Variants in SLC2A13 observed in about 807,000 individuals in gnomAD.
SLC2A13 encodes the protein proton myo-inositol cotransporter.
In SLC2A13, 32 loss-of-function variants were observed where a neutral mutation model predicts 64.4. The ratio of observed to expected loss-of-function variants is 0.50; its 90% confidence interval spans 0.37 to 0.67. SLC2A13 has a LOEUF of 0.67. Ranked by LOEUF, SLC2A13 falls within the 30% of genes least tolerant of loss-of-function variation. SLC2A13 has a pLI of 0.00. For missense variants in SLC2A13, 743 were observed against 829.2 expected (o/e 0.90, Z 1.28); for synonymous variants, 338 against 327.1 (o/e 1.03, Z -0.36).
At chr12:39,920,901 C>A (rs1479389778) in intron 4 of SLC2A13, among the ~76,000 whole-genome samples, 1 of 151,976 alleles carries the variant, frequency 6.6e-6, no homozygotes, top group Non-Finnish European at 1.5e-5. Context: ...TCAAAGGAAC[C>A]CCATTCCTGC....
chr12:40,106,070 T>G lies in SLC2A13; in HGVS notation c.-262A>C. 3.0e-6 allele frequency: 1 copy of G among 327,870 alleles called. No homozygotes were observed. Among genetic ancestry groups the G allele is most frequent in the Non-Finnish European group, 5.4e-6 (1 of 185,508 alleles). 20.3% of individuals were successfully genotyped at this position (327,870 alleles called of 1,614,324 possible). On this transcript the variant is annotated 5_prime_UTR_variant, in exon 1 of 10. Transcript: ENST00000280871. ...CGCCCCGCGCCTGCCGAGCTGGCGC[T>G]GCGGAGCGGGCGGGAGGCGGGACCG...
At chr12:39,935,003 C>A (rs929614982) in intron 4 of SLC2A13, among the ~76,000 whole-genome samples, 2 of 152,194 alleles carry the variant, frequency 1.3e-5, no homozygotes, top group African/African-American at 4.8e-5. Flanking sequence ...AACTGACTAA[C>A]TTAGATTTTC....
At chr12:39,793,335 A>C (rs1218844888) in intron 7 of SLC2A13, among the ~76,000 whole-genome samples, 1 of 152,168 alleles carries the variant, frequency 6.6e-6, no homozygotes, top group Non-Finnish European at 1.5e-5. Flanking sequence ...AATATTAAAG[A>C]CTAAATAAAT....
At chr12:39,970,961 A>G (rs1311489358) in intron 3 of SLC2A13, among the ~76,000 whole-genome samples, 1 of 152,168 alleles carries the variant, frequency 6.6e-6, no homozygotes. Flanking sequence ...GGTATGGCTG[A>G]TAAGAAGCTC....
chr12:39,933,530 T>C (rs757470590), intron 4 of SLC2A13, among the ~76,000 whole-genome samples: 1 of 152,194 alleles, frequency 6.6e-6, no homozygotes, highest in Non-Finnish European at 1.5e-5. Flanking sequence ...ATAGCACACA[T>C]AGGTCTAAAT....
intron 4 of SLC2A13, among the ~76,000 whole-genome samples, chr12:39,910,094 C>G (rs745559401): frequency 1.3e-5 from 2 of 151,992 alleles, no homozygotes; most frequent in Admixed American, 6.6e-5. Flanking sequence ...GAACTAGAAC[C>G]CTGTCCCCTG....
At chr12:39,954,245 C>T (rs770521781) in intron 3 of SLC2A13, among the ~76,000 whole-genome samples, 12 of 152,144 alleles carry the variant, frequency 7.9e-5, no homozygotes, top group Non-Finnish European at 1.0e-4. Context: ...GCAGGTAAAC[C>T]AGGCAGACAT....
Position 40,105,700 on chromosome 12 carries a change from C to G in SLC2A13, c.109G>C (p.Gly37Arg), listed in dbSNP as rs1939288903. The G allele has an allele frequency of 6.8e-7, 1 of 1,481,236 alleles. No homozygotes were observed. Among genetic ancestry groups the G allele is most frequent in the Admixed American group, 2.5e-5 (1 of 40,802 alleles). The allele number at this position is 1,481,236 out of a possible 1,614,324, so 91.8% of individuals were successfully genotyped here. Reference sequence around the variant, plus strand: ...GCGGCAGCCAGGAGGCTGCACTCCCCGGCCGCGCTCGCCGCGTCCGGCTCC... The same window carrying G: ...GCGGCAGCCAGGAGGCTGCACTCCCGGGCCGCGCTCGCCGCGTCCGGCTCC... ...QPEPDAASAA[G>R]ECSLLAAAES... The change falls in exon 1 of 10, where the codon GGG (glycine) becomes CGG (arginine). Residue 37 changes from glycine to arginine, a missense_variant. Transcript: ENST00000280871. This position sits in a 1 kb window ranked among gnomAD's most constrained non-coding sequence, Gnocchi z 4.2.
At chr12:40,003,597 C>T (rs1947355098) in intron 3 of SLC2A13, among the ~76,000 whole-genome samples, 2 of 152,068 alleles carry the variant, frequency 1.3e-5, no homozygotes, top group African/African-American at 2.4e-5. Context: ...CATGCCAGGC[C>T]CCTAATATGC....
intron 4 of SLC2A13, among the ~76,000 whole-genome samples, chr12:39,925,570 A>G (rs1371005842): frequency 2.0e-5 from 3 of 152,168 alleles, no homozygotes; most frequent in African/African-American, 7.2e-5. Context: ...ATATCAAATA[A>G]TTAACTTTTT....
intron 4 of SLC2A13, among the ~76,000 whole-genome samples, chr12:39,876,425 G>A (rs1401137323): frequency 2.0e-5 from 3 of 152,062 alleles, no homozygotes; most frequent in Non-Finnish European, 4.4e-5. Context: ...TTCTGAAAAA[G>A]CTATCTTTTT....
chr12:39,896,551 T>A (rs1038799194), intron 4 of SLC2A13, among the ~76,000 whole-genome samples: 3 of 141,248 alleles, frequency 2.1e-5, no homozygotes, highest in African/African-American at 5.2e-5. Context: ...TATGTGTGTA[T>A]ACATGTATAC....
chr12:39,760,953 A>C (rs118078899), intron 9 of SLC2A13, among the ~76,000 whole-genome samples: 9 of 101,582 alleles, frequency 8.9e-5, no homozygotes, highest in Non-Finnish European at 1.2e-4. Context: ...GTCTCTACCA[A>C]ACACACACAC....
At chr12:39,969,587 A>G (rs1473177777) in intron 3 of SLC2A13, among the ~76,000 whole-genome samples, 1 of 152,216 alleles carries the variant, frequency 6.6e-6, no homozygotes, top group Non-Finnish European at 1.5e-5. Context: ...TTTTAGCTGC[A>G]TAAATGTCTT....
chr12:40,099,714 G>A (rs1253185590), intron 1 of SLC2A13, among the ~76,000 whole-genome samples: 3 of 152,258 alleles, frequency 2.0e-5, no homozygotes, highest in East Asian at 1.9e-4. Context: ...TATAACTGCA[G>A]TGTCAGTCCC....
chr12:39,864,904 A>G lies in SLC2A13; in HGVS notation c.1199-22T>C, dbSNP rs747439939. ...GTACCTTAAAAAAAAAAAGTTTTATATTAGAGAAGAGTTGACAATATTGTT... is the reference window on the plus strand; with the variant it reads ...GTACCTTAAAAAAAAAAAGTTTTATGTTAGAGAAGAGTTGACAATATTGTT... On this transcript the variant is annotated intron_variant, in intron 5 of 9. Coordinates refer to ENST00000280871, the MANE Select transcript of SLC2A13 (RefSeq NM_052885.4). 10 of 1,599,180 alleles carry G rather than the reference A, an allele frequency of 6.3e-6. No homozygotes were observed. In the African/African-American group the frequency reaches 1.2e-4, roughly 20 times the overall value.
intron 1 of SLC2A13, among the ~76,000 whole-genome samples, chr12:40,098,058 T>C (rs1939016058): frequency 6.6e-6 from 1 of 151,104 alleles, no homozygotes; most frequent in Admixed American, 6.6e-5. Context: ...TGTATATATG[T>C]ATATATGTGT....
intron 6 of SLC2A13, among the ~76,000 whole-genome samples, chr12:39,856,568 C>T (rs1196037528): frequency 2.6e-5 from 4 of 152,074 alleles, no homozygotes; most frequent in Admixed American, 6.5e-5. Flanking sequence ...GGGGTTTCAC[C>T]GTGTTGGCCA....
chr12:39,778,573 TG>T (rs1191868008), intron 7 of SLC2A13, among the ~76,000 whole-genome samples: 1 of 152,228 alleles, frequency 6.6e-6, no homozygotes, highest in Non-Finnish European at 1.5e-5. Flanking sequence ...TGTGTTATTT[TG>T]GTTTAAAAAT....
Sources: allele counts gnomAD v4.1 joint callset (sites outside exome capture counted in the v4.1 genomes callset), GRCh38; gene constraint gnomAD v4.1.1; non-coding constraint Gnocchi (gnomAD v3.1); transcripts MANE v1.5; gene names NCBI Gene and HGNC (gene_info 2026-07-23, HGNC 2026-07-21).